Variants in COPG2 observed in about 807,000 individuals in gnomAD.
COPG2 encodes coatomer subunit gamma-2.
A neutral mutation model predicts 46.3 loss-of-function variants in COPG2; 37 were observed. That is an observed-to-expected ratio of 0.80 (90% CI 0.61 to 1.05). COPG2 has a LOEUF of 1.05. Among genes scored for constraint, COPG2 ranks in the 50% least tolerant of loss-of-function variants. The pLI, the probability that COPG2 is intolerant of heterozygous loss-of-function variation, is 0.00. For synonymous variants in COPG2, 159 were observed against 129.7 expected (o/e 1.23, Z -1.53); for missense variants, 427 against 387.8 (o/e 1.10, Z -0.85).
At chr7:130,571,845 CTATA>C (rs797032340) in intron 9 of COPG2, among the ~76,000 whole-genome samples, 1 of 149,000 alleles carries the variant, frequency 6.7e-6, no homozygotes, top group Non-Finnish European at 1.5e-5. Context: ...CTCTCTCTCT[CTATA>C]TATATATATA....
chr7:130,612,150 A>C lies in COPG2; in HGVS notation c.579+2T>G. 6.2e-7 allele frequency: 1 copy of C among 1,600,022 alleles called. No homozygotes were observed. Reference sequence around the variant, plus strand: ...CAAGCTAATGTGATTCAATGACAATACCTGGACCATAATATTATCACTTGA... The same window carrying C: ...CAAGCTAATGTGATTCAATGACAATCCCTGGACCATAATATTATCACTTGA... On this transcript the variant is annotated splice_donor_variant, in intron 8 of 23. Coordinates refer to ENST00000425248, the MANE Select transcript of COPG2 (RefSeq NM_012133.6). LOFTEE classifies it high-confidence loss of function.
intron 17 of COPG2, among the ~76,000 whole-genome samples, chr7:130,549,772 A>G (rs1793505992): frequency 1.3e-5 from 2 of 152,152 alleles, no homozygotes; most frequent in Non-Finnish European, 2.9e-5. Context: ...TGTTCTAACC[A>G]CTAAACATTT....
chr7:130,560,258 C>T (rs1793697230), intron 12 of COPG2, among the ~76,000 whole-genome samples: 1 of 151,954 alleles, frequency 6.6e-6, no homozygotes, highest in South Asian at 2.1e-4. Flanking sequence ...ATATCAAAAG[C>T]ATAAAATATT....
intron 5 of COPG2, among the ~76,000 whole-genome samples, chr7:130,635,211 G>A (rs1226628714): frequency 2.6e-5 from 4 of 152,016 alleles, no homozygotes; most frequent in Admixed American, 2.0e-4. Flanking sequence ...GTATCAGGAT[G>A]ATGCTGGCCT....
chr7:130,651,492 G>GTTTTT (rs1795740990), intron 5 of COPG2, among the ~76,000 whole-genome samples: 1 of 30,778 alleles, frequency 3.2e-5, no homozygotes, highest in Non-Finnish European at 7.1e-5. Context: ...TAATTTTTTT[G>GTTTTT]TATTTTTTTT....
chr7:130,610,857 A>T, intron 9 of COPG2, 96 bp downstream of exon 9: 1 of 1,182,888 alleles, frequency 8.5e-7, no homozygotes, highest in Non-Finnish European at 1.3e-6. Flanking sequence ...CTGTAAAGTT[A>T]GCACTGCCCC....
chr7:130,619,647 C>G (rs1795004595), intron 5 of COPG2, among the ~76,000 whole-genome samples: 1 of 152,160 alleles, frequency 6.6e-6, no homozygotes. Flanking sequence ...ACTGGTAATT[C>G]ATTTCCTGTA....
At chr7:130,567,344 G>A (rs1251178953) in intron 9 of COPG2, among the ~76,000 whole-genome samples, 3 of 152,140 alleles carry the variant, frequency 2.0e-5, no homozygotes, top group Non-Finnish European at 2.9e-5. Context: ...AATAACTGGT[G>A]TTCCCAAGGA....
intron 4 of COPG2, among the ~76,000 whole-genome samples, chr7:130,655,302 T>C (rs1390044987): frequency 6.6e-6 from 1 of 152,226 alleles, no homozygotes; most frequent in Non-Finnish European, 1.5e-5. Flanking sequence ...AAAGTTTTAG[T>C]GTAAGGTTAT....
rs550142218 is a variant in COPG2, at chr7:130,634,388, T to C, written c.324-17323A>G. Among the ~76,000 whole-genome samples, 3 of 152,334 alleles carry C rather than the reference T, an allele frequency of 2.0e-5. No homozygotes were observed. In the East Asian group the frequency reaches 5.8e-4, roughly 29 times the overall value. ...TTTTTCCATTTGTTTGTGTCCTCTC[T>C]TATTTCCTTGAGAAGTAGTTTGTAG... On this transcript the variant is annotated intron_variant, in intron 5 of 23. Coordinates refer to ENST00000425248, the MANE Select transcript of COPG2 (RefSeq NM_012133.6).
chr7:130,533,601 G>A (rs1352584392), intron 20 of COPG2, among the ~76,000 whole-genome samples: 5 of 152,108 alleles, frequency 3.3e-5, no homozygotes, highest in African/African-American at 7.2e-5. Flanking sequence ...GTGGCAGAAC[G>A]GAGAAGGTAG....
At chr7:130,616,013 G>A (rs1160499549) in intron 6 of COPG2, among the ~76,000 whole-genome samples, 1 of 152,170 alleles carries the variant, frequency 6.6e-6, no homozygotes, top group African/African-American at 2.4e-5. Context: ...GGGATGAGTT[G>A]CCAAAAAATT....
intron 2 of COPG2, 71 bp downstream of exon 2, chr7:130,667,411 C>A (rs371348034): frequency 2.2e-5 from 27 of 1,248,952 alleles, no homozygotes; most frequent in African/African-American, 1.9e-4. Flanking sequence ...TCACAGCAGC[C>A]CAGGGATTCT....
Position 130,668,700 on chromosome 7 carries a change from G to T in COPG2, c.-32C>A. 1 of 1,518,484 alleles carries T rather than the reference G, an allele frequency of 6.6e-7. No homozygotes were observed. The highest frequency in any genetic ancestry group is 1.2e-5 in the South Asian group (1 of 80,120). The allele number at this position is 1,518,484 out of a possible 1,614,324, so 94.1% of individuals were successfully genotyped here. A position where few individuals can be genotyped will look rare whatever the true frequency, so the allele number is the denominator to read the frequency against. On this transcript the variant is annotated 5_prime_UTR_variant, in exon 1 of 24. Transcript: ENST00000425248. ...CGACTTCCCAGCGCCCAGACCCACCGCAACCGTCCCAGGCGCCGCAGCCGG... is the reference window on the plus strand; with the variant it reads ...CGACTTCCCAGCGCCCAGACCCACCTCAACCGTCCCAGGCGCCGCAGCCGG...
chr7:130,509,597 C>T (rs1169205582), intron 20 of COPG2: 3 of 460,494 alleles, frequency 6.5e-6, no homozygotes, highest in South Asian at 4.6e-5. Flanking sequence ...TAAATTCCAT[C>T]CATTCATCCA....
At chr7:130,609,515 T>C (rs556341290) in intron 9 of COPG2, among the ~76,000 whole-genome samples, 3 of 152,356 alleles carry the variant, frequency 2.0e-5, no homozygotes, top group Admixed American at 6.5e-5. Context: ...CTTTTGTAAA[T>C]TGCCCAGTCT....
chr7:130,604,661 T>G, intron 9 of COPG2: 1 of 495,164 alleles, frequency 2.0e-6, no homozygotes, highest in Non-Finnish European at 4.0e-6. Flanking sequence ...AGGTATTTTA[T>G]TTTCTTCACT....
At chr7:130,561,005 G>T in intron 12 of COPG2, 28 bp downstream of exon 12, 1 of 398,486 alleles carries the variant, frequency 2.5e-6, no homozygotes, top group South Asian at 1.3e-4. Flanking sequence ...CAGACTGGGA[G>T]AAAATATGAT....
chr7:130,553,966 G>A (rs991993671), intron 14 of COPG2, among the ~76,000 whole-genome samples: 12,230 of 152,184 alleles, frequency 0.08, 821 homozygotes, highest in African/African-American at 0.18. Flanking sequence ...GGATTTTTAA[G>A]GGAGAGCTAC....
Sources: allele counts gnomAD v4.1 joint callset (sites outside exome capture counted in the v4.1 genomes callset), GRCh38; gene constraint gnomAD v4.1.1; transcripts MANE v1.5; gene names NCBI Gene and HGNC (gene_info 2026-07-23, HGNC 2026-07-21).